The following CDH12 variants were observed in gnomAD, a reference collection of about 807,000 sequenced individuals.
CDH12 encodes the protein cadherin-12.
CDH12 carries 41 observed loss-of-function variants against 74.1 expected under a neutral mutation model. That is an observed-to-expected ratio of 0.55 (90% CI 0.43 to 0.72). The LOEUF is 0.72. Ranked by LOEUF, CDH12 falls within the 30% of genes least tolerant of loss-of-function variation. The pLI is 0.00. For missense variants in CDH12, 945 were observed against 977.2 expected, an observed-to-expected ratio of 0.97 and a Z score of 0.44; for synonymous variants, 399 against 355.0, an observed-to-expected ratio of 1.12 and a Z score of -1.39.
chr5:22,121,357 G>A (rs1268885327), intron 4 of CDH12, among the ~76,000 whole-genome samples: 1 of 152,168 alleles, frequency 6.6e-6, no homozygotes, highest in Non-Finnish European at 1.5e-5. Context: ...AAACTCAGGG[G>A]TCCTTAGCTG....
intron 3 of CDH12, among the ~76,000 whole-genome samples, chr5:22,329,483 T>C (rs559798130): frequency 2.0e-5 from 3 of 152,306 alleles, no homozygotes; most frequent in Admixed American, 2.0e-4. Flanking sequence ...ACATCATTTG[T>C]TCCCGCTGCC....
intron 1 of CDH12, among the ~76,000 whole-genome samples, chr5:22,622,802 C>A (rs1738047644): frequency 6.6e-6 from 1 of 152,158 alleles, no homozygotes; most frequent in South Asian, 2.1e-4. Flanking sequence ...AAGAGGGAAT[C>A]CTCCCTAATT....
At chr5:21,774,698 A>T (rs1392482320) in intron 11 of CDH12, among the ~76,000 whole-genome samples, 1 of 152,212 alleles carries the variant, frequency 6.6e-6, no homozygotes, top group African/African-American at 2.4e-5. Context: ...GGAAATTAGA[A>T]CACAGTAAAT....
At chr5:21,969,382 C>T (rs555759225) in intron 6 of CDH12, among the ~76,000 whole-genome samples, 3 of 152,072 alleles carry the variant, frequency 2.0e-5, no homozygotes, top group Admixed American at 6.6e-5. Flanking sequence ...TTCTTGTATT[C>T]GCGTTGCACT....
At chr5:22,711,593 G>A (rs1435389320) in intron 1 of CDH12, among the ~76,000 whole-genome samples, 3 of 151,978 alleles carry the variant, frequency 2.0e-5, no homozygotes. Context: ...GAAATAATAT[G>A]GCACTATGTT....
chr5:21,752,347 TG>T lies in CDH12; in HGVS notation c.1886-112del, dbSNP rs1279346862. The T allele has an allele frequency of 5.8e-6, 5 of 861,836 alleles. No individual in the cohort carries two copies. The African/African-American group carries it at 8.5e-5, about 15-fold the overall frequency. 53.4% of individuals were successfully genotyped at this position (861,836 alleles called of 1,614,324 possible). On this transcript the variant is annotated intron_variant, in intron 14 of 14. Coordinates refer to ENST00000382254, the MANE Select transcript of CDH12 (RefSeq NM_004061.5). Reference sequence around the variant, plus strand: ...TGGCTGAGTTTCGTGAATGACCTCCTGTTACTTTCATAGTAAACATACCATA... The same window carrying T: ...TGGCTGAGTTTCGTGAATGACCTCCTTTACTTTCATAGTAAACATACCATA...
chr5:21,959,701 A>C (rs1243874380), intron 6 of CDH12, among the ~76,000 whole-genome samples: 1 of 148,670 alleles, frequency 6.7e-6, no homozygotes, highest in Non-Finnish European at 1.5e-5. Context: ...CCAGGTCAGG[A>C]GATCGAGACC....
intron 2 of CDH12, among the ~76,000 whole-genome samples, chr5:22,477,572 A>G (rs1237646973): frequency 1.3e-5 from 2 of 152,166 alleles, no homozygotes; most frequent in African/African-American, 4.8e-5. Flanking sequence ...CTATGATACA[A>G]TGATTTATAT....
intron 4 of CDH12, among the ~76,000 whole-genome samples, chr5:22,117,873 G>C (rs186272739): frequency 6.6e-6 from 1 of 151,720 alleles, no homozygotes; most frequent in Non-Finnish European, 1.5e-5. Flanking sequence ...CTTTAGAGTA[G>C]ACTTAACATA....
chr5:22,714,429 G>A (rs1429698708), intron 1 of CDH12, among the ~76,000 whole-genome samples: 1 of 152,068 alleles, frequency 6.6e-6, no homozygotes, highest in African/African-American at 2.4e-5. Flanking sequence ...GCCTCTTTCA[G>A]CGATTACTGG....
At chr5:22,834,105 C>T (rs984637758) in intron 1 of CDH12, among the ~76,000 whole-genome samples, 2 of 152,120 alleles carry the variant, frequency 1.3e-5, no homozygotes, top group South Asian at 2.1e-4. Context: ...GTCTATTGCA[C>T]TTTATAATTG....
chr5:22,820,561 G>T (rs989401267), intron 1 of CDH12, among the ~76,000 whole-genome samples: 1 of 152,034 alleles, frequency 6.6e-6, no homozygotes, highest in Non-Finnish European at 1.5e-5. Flanking sequence ...TATCACCACC[G>T]ATCCCACAGA....
At chr5:21,781,476 C>T (rs1745904851) in intron 11 of CDH12, among the ~76,000 whole-genome samples, 1 of 152,132 alleles carries the variant, frequency 6.6e-6, no homozygotes, top group South Asian at 2.1e-4. Context: ...GTAATCCCAG[C>T]ACTTTGGGAG....
chr5:22,275,326 CATGAAAG>C (rs1736586092), intron 3 of CDH12, among the ~76,000 whole-genome samples: 1 of 151,286 alleles, frequency 6.6e-6, no homozygotes, highest in African/African-American at 2.4e-5. Context: ...TGATCTGGGA[CATGAAAG>C]TTGAAAAAAA....
At chr5:22,255,409 T>C (rs1753276432) in intron 3 of CDH12, among the ~76,000 whole-genome samples, 1 of 151,812 alleles carries the variant, frequency 6.6e-6, no homozygotes, top group Admixed American at 6.6e-5. Context: ...TTTTAAAATA[T>C]GTATGCTAAA....
intron 8 of CDH12, among the ~76,000 whole-genome samples, chr5:21,819,096 C>T (rs551055564): frequency 6.6e-6 from 1 of 152,020 alleles, no homozygotes; most frequent in East Asian, 1.9e-4. Flanking sequence ...CATTGCATTC[C>T]TATTTTCTAC....
At chr5:22,666,356 C>G (rs545962339) in intron 1 of CDH12, among the ~76,000 whole-genome samples, 1 of 130,644 alleles carries the variant, frequency 7.7e-6, no homozygotes, top group Non-Finnish European at 1.5e-5. Context: ...GTGGCACGAT[C>G]TCGGCTCACT....
chr5:21,867,094 C>A (rs1214954087), intron 6 of CDH12, among the ~76,000 whole-genome samples: 1 of 152,170 alleles, frequency 6.6e-6, no homozygotes, highest in Non-Finnish European at 1.5e-5. Flanking sequence ...GTGGCTCTCA[C>A]CTGTAATCCC....
At chr5:22,279,491 C>T (rs563028157) in intron 3 of CDH12, among the ~76,000 whole-genome samples, 8 of 152,218 alleles carry the variant, frequency 5.3e-5, no homozygotes, top group African/African-American at 1.9e-4. Context: ...TCGTCATTTA[C>T]ATTAGGTATA....
Sources: allele counts gnomAD v4.1 joint callset (sites outside exome capture counted in the v4.1 genomes callset), GRCh38; gene constraint gnomAD v4.1.1; transcripts MANE v1.5; gene names NCBI Gene and HGNC (gene_info 2026-07-23, HGNC 2026-07-21).